The following MYH14 variants were observed in gnomAD, a reference collection of about 807,000 sequenced individuals.
MYH14 encodes the protein myosin heavy chain 14.
MYH14 carries 123 observed loss-of-function variants against 255.5 expected under a neutral mutation model. The ratio of observed to expected loss-of-function variants is 0.48; its 90% CI spans 0.42 to 0.56. The LOEUF (loss-of-function observed/expected upper bound fraction) is 0.56. Among genes scored for constraint, MYH14 ranks in the 20% least tolerant of loss-of-function variants. MYH14 has a pLI of 0.00. For missense variants in MYH14, 2,423 were observed against 2,802.3 expected (o/e 0.86, Z 3.06); for synonymous variants, 1,095 against 1,161.2 (o/e 0.94, Z 1.16).
In MYH14 at chr19:50,310,160, A is replaced by C; in HGVS notation, c.*370A>C. On this transcript the variant is annotated 3_prime_UTR_variant, in exon 43 of 43. Coordinates refer to ENST00000642316, the MANE Select transcript of MYH14 (RefSeq NM_001145809.2). ...CCACCATCCTCAGCCAGTGCAACCC[A>C]TTCCCTCTGCTTCTCTCTCTCTCTC... is the stretch of plus-strand genomic sequence containing the variant. 3.3e-5 allele frequency: 9 copies of C among 273,554 alleles called. No homozygotes were observed. The highest frequency in any genetic ancestry group is 5.5e-5 in the Non-Finnish European group (8 of 144,480). 16.9% of individuals were successfully genotyped at this position (273,554 alleles called of 1,614,324 possible).
intron 1 of MYH14, among the ~76,000 whole-genome samples, chr19:50,208,050 A>G (rs1374305231): frequency 6.6e-6 from 1 of 152,070 alleles, no homozygotes; most frequent in African/African-American, 2.4e-5. Flanking sequence ...CCTAATGAAA[A>G]CTTCAACATC....
At chr19:50,210,328 C>T in intron 1 of MYH14, 35 bp from the exon 2 acceptor site, 1 of 1,546,154 alleles carries the variant, frequency 6.5e-7, no homozygotes, top group Non-Finnish European at 8.7e-7. Context: ...GACGGAGCCC[C>T]ATCTGACCCC....
At chr19:50,246,827 A>G (rs986481979) in intron 11 of MYH14, among the ~76,000 whole-genome samples, 177 bp from the exon 12 acceptor site, 6 of 151,896 alleles carry the variant, frequency 4.0e-5, no homozygotes, top group African/African-American at 1.5e-4. Flanking sequence ...TGGTTCCTGG[A>G]AAAAAAATAG....
At chr19:50,272,260 TAGAATC>T (rs1168132083) in intron 26 of MYH14, among the ~76,000 whole-genome samples, 2 of 152,166 alleles carry the variant, frequency 1.3e-5, no homozygotes. Flanking sequence ...CCTGTTGACT[TAGAATC>T]AGAAACAGAA....
Position 50,309,737 on chromosome 19 carries a change from G to T in MYH14, c.6058G>T (p.Gly2020Trp). Residue 2020 changes from glycine (G) to tryptophan (W), a missense_variant, in exon 43 of 43, where the codon GGG becomes TGG. Gly to Trp is a radical substitution (Grantham distance 184, BLOSUM62 -2). Coordinates refer to ENST00000642316, the MANE Select transcript of MYH14 (RefSeq NM_001145809.2). ...SDEEAEEAQP[G>W]SGPSPEPEGS... ...CGAGGAGGCAGAGGAAGCACAGCCT[G>T]GGTCTGGGCCATCCCCGGAGCCTGA... 6.3e-7 allele frequency: 1 copy of T among 1,597,212 alleles called. No individual in the cohort carries two copies. The highest frequency in any genetic ancestry group is 2.3e-5 in the East Asian group (1 of 43,866).
At chr19:50,274,679 A>G (rs1355056300) in intron 27 of MYH14, among the ~76,000 whole-genome samples, 1 of 152,212 alleles carries the variant, frequency 6.6e-6, no homozygotes, top group Non-Finnish European at 1.5e-5. Context: ...GCCATAATCC[A>G]GCACTCTGAG....
At chr19:50,243,413 G>T (rs1057249543) in intron 10 of MYH14, among the ~76,000 whole-genome samples, 2 of 151,940 alleles carry the variant, frequency 1.3e-5, no homozygotes, top group Non-Finnish European at 2.9e-5. Context: ...TCCAGCCTGG[G>T]TGACAAGAAT....
chr19:50,245,380 G>A (rs1455988043), intron 11 of MYH14, among the ~76,000 whole-genome samples: 1 of 144,278 alleles, frequency 6.9e-6, no homozygotes, highest in African/African-American at 2.6e-5. Flanking sequence ...AGATTGTGCC[G>A]CTGCACTCCA....
At chr19:50,233,774 T>C (rs1201651300) in intron 10 of MYH14, among the ~76,000 whole-genome samples, 2 of 151,458 alleles carry the variant, frequency 1.3e-5, no homozygotes, top group Non-Finnish European at 3.0e-5. Context: ...CGGCTCCCTG[T>C]GTGTGCATCT....
chr19:50,272,537 A>G, intron 26 of MYH14, 23 bp from the exon 27 acceptor site: 1 of 1,555,494 alleles, frequency 6.4e-7, no homozygotes, highest in Non-Finnish European at 8.7e-7. Flanking sequence ...GTCCTCATGC[A>G]CGGCCCCCAC....
chr19:50,230,669 C>T lies in MYH14; in HGVS notation c.973+46C>T, dbSNP rs1318222784. ...CCCTGCTCACCCGGGAGAGGGTGGG[C>T]ACCATGTCTCTCGGGGGCCCCTTCT... On this transcript the variant is annotated intron_variant, in intron 9 of 42. Transcript: ENST00000642316. The surrounding 1 kb of genome is among the most constrained non-coding windows in gnomAD (Gnocchi z 4.7). 1 of 1,512,138 alleles carries T rather than the reference C, an allele frequency of 6.6e-7. No homozygotes were observed. The highest frequency in any genetic ancestry group is 9.0e-7 in the Non-Finnish European group (1 of 1,114,094). The allele number at this position is 1,512,138 out of a possible 1,614,324, so 93.7% of individuals were successfully genotyped here.
chr19:50,270,675 AT>A (rs1406311358), intron 24 of MYH14, among the ~76,000 whole-genome samples: 1 of 143,202 alleles, frequency 7.0e-6, no homozygotes, highest in African/African-American at 2.6e-5. Context: ...TGTTTATTTT[AT>A]TTTTAAAATT....
At chr19:50,227,452 A>AC (rs1332285000) in intron 8 of MYH14, among the ~76,000 whole-genome samples, 2 of 151,740 alleles carry the variant, frequency 1.3e-5, no homozygotes, top group African/African-American at 4.8e-5. Flanking sequence ...CCCCGCCTGC[A>AC]CCCCCCGTCC....
rs2034620443 is a variant in MYH14 at position 50,257,166 on chromosome 19, C to A, written c.2045-133C>A. 5 of 678,638 alleles carry A rather than the reference C, an allele frequency of 7.4e-6. No homozygotes were observed. In the South Asian group the frequency reaches 1.0e-4, roughly 14 times the overall value. 42.0% of individuals were successfully genotyped at this position (678,638 alleles called of 1,614,324 possible). On this transcript the variant is annotated intron_variant, in intron 17 of 42. Transcript: ENST00000642316. ...TCTGTCCAATGAAGCTGATATCTAC[C>A]TTACAGGCTGTGTGAGGTCCTTCAT...
rs201751506 is a variant in MYH14 at position 50,271,878 on chromosome 19, C to G, written c.3201C>G (p.Ala1067=). 11 of 1,613,322 alleles carry G rather than the reference C, an allele frequency of 6.8e-6. No individual in the cohort carries two copies. Among genetic ancestry groups the G allele is most frequent in the East Asian group, 4.5e-5 (2 of 44,880 alleles). ...KERKLLEDRL[A]EFSSQAAEEE... ...GGAAGCTGCTGGAAGATCGTCTGGCCGAGTTCTCATCCCAGGCAGCTGAGG... is the reference window on the plus strand; with the variant it reads ...GGAAGCTGCTGGAAGATCGTCTGGCGGAGTTCTCATCCCAGGCAGCTGAGG... The change falls in exon 26 of 43, where the codon GCC becomes GCG. Residue 1067 remains alanine, a synonymous_variant. Coordinates refer to ENST00000642316, the MANE Select transcript of MYH14 (RefSeq NM_001145809.2).
intron 39 of MYH14, among the ~76,000 whole-genome samples, chr19:50,296,779 C>A (rs2036281496): frequency 6.6e-6 from 1 of 152,210 alleles, no homozygotes; most frequent in African/African-American, 2.4e-5. Context: ...CGTGAAGAGC[C>A]TCGCGCTGGC....
intron 23 of MYH14, 69 bp from the exon 24 acceptor site, chr19:50,268,092 G>C (rs1402978693): frequency 6.7e-7 from 1 of 1,503,180 alleles, no homozygotes; most frequent in African/African-American, 1.4e-5. Context: ...TTACAAGGCA[G>C]TAGGCACCCA....
chr19:50,263,341 G>A lies in MYH14; in HGVS notation c.2615G>A (p.Ser872Asn), dbSNP rs1357824875. The change falls in exon 22 of 43, where the codon AGC (serine) becomes AAC (asparagine). Residue 872 changes from serine (S) to asparagine (N), a missense_variant. By Grantham distance (46) the Ser-to-Asn change is conservative. Coordinates refer to ENST00000642316, the MANE Select transcript of MYH14 (RefSeq NM_001145809.2). The part of the protein sequence containing the change: ...RAFQKRQQQQ[S>N]ALRVMQRNCA... The stretch of plus-strand genomic sequence containing the variant: ...TTCCAGAAGCGCCAGCAGCAGCAGA[G>A]CGCCCTGAGGGTGATGCAGCGGAAC... 5.5e-5 allele frequency: 87 copies of A among 1,583,012 alleles called. No homozygotes were observed. Among genetic ancestry groups the A allele is most frequent in the Non-Finnish European group, 7.4e-5 (86 of 1,164,664 alleles).
intron 2 of MYH14, among the ~76,000 whole-genome samples, chr19:50,211,981 C>T (rs1051623370): frequency 6.6e-6 from 1 of 152,136 alleles, no homozygotes; most frequent in Non-Finnish European, 1.5e-5. Flanking sequence ...AATCAAGACC[C>T]TGTCTCAAAC....
Sources: allele counts gnomAD v4.1 joint callset (sites outside exome capture counted in the v4.1 genomes callset), GRCh38; gene constraint gnomAD v4.1.1; non-coding constraint Gnocchi (gnomAD v3.1); transcripts MANE v1.5; gene names NCBI Gene and HGNC (gene_info 2026-07-23, HGNC 2026-07-21).